PCDH15: variants seen among roughly 807,000 people sequenced by gnomAD.
PCDH15 encodes the protein protocadherin related 15, also known as protocadherin-15.
Under a neutral mutation model 178.5 loss-of-function variants are expected in PCDH15, and 129 were observed. The ratio of observed to expected loss-of-function variants is 0.72; its 90% CI spans 0.63 to 0.84. PCDH15 has a LOEUF of 0.84. Among genes scored for constraint, PCDH15 ranks in the 40% least tolerant of loss-of-function variants. The pLI is 0.00. For missense variants in PCDH15, 2,230 were observed against 2,099.9 expected (o/e 1.06, Z -1.21); for synonymous variants, 800 against 732.0 (o/e 1.09, Z -1.50).
intron 2 of PCDH15, among the ~76,000 whole-genome samples, chr10:54,627,464 T>C (rs376013005): frequency 2.0e-5 from 3 of 152,238 alleles, no homozygotes; most frequent in African/African-American, 7.2e-5. Context: ...AATGGAAGTT[T>C]GCCTGCACAA....
chr10:54,747,245 T>C (rs1443036845), intron 1 of PCDH15, among the ~76,000 whole-genome samples: 1 of 152,222 alleles, frequency 6.6e-6, no homozygotes, highest in Non-Finnish European at 1.5e-5. Context: ...GAAATCCAAG[T>C]TCCCAGACAC....
intron 8 of PCDH15, among the ~76,000 whole-genome samples, chr10:54,288,337 AAGAG>A (rs531923805): frequency 6.6e-6 from 1 of 151,262 alleles, no homozygotes; most frequent in Non-Finnish European, 1.5e-5. Flanking sequence ...ATACATAAAT[AAGAG>A]AGAGAGAGAG....
chr10:55,514,974 G>C (rs562402602), intron 2 of PCDH15, among the ~76,000 whole-genome samples: 1 of 145,416 alleles, frequency 6.9e-6, no homozygotes, highest in Non-Finnish European at 1.5e-5. Context: ...TATATAGATA[G>C]ATAGATAGAT....
chr10:54,593,245 C>T (rs2091992934), intron 2 of PCDH15, among the ~76,000 whole-genome samples: 1 of 152,012 alleles, frequency 6.6e-6, no homozygotes, highest in African/African-American at 2.4e-5. Flanking sequence ...AAAATCATTG[C>T]CAGAACCAAT....
At chr10:54,876,444 G>A (rs1285969440) in intron 3 of PCDH15, among the ~76,000 whole-genome samples, 1 of 152,124 alleles carries the variant, frequency 6.6e-6, no homozygotes, top group Non-Finnish European at 1.5e-5. Context: ...AGCTGCCATA[G>A]ATAGTGATTC....
chr10:54,488,613 C>A (rs1298181132), intron 3 of PCDH15, among the ~76,000 whole-genome samples: 1 of 151,838 alleles, frequency 6.6e-6, no homozygotes, highest in Non-Finnish European at 1.5e-5. Context: ...AGAATCAGTA[C>A]TGGCAGATAA....
intron 3 of PCDH15, among the ~76,000 whole-genome samples, chr10:54,386,369 G>A (rs189088326): frequency 6.6e-6 from 1 of 152,082 alleles, no homozygotes; most frequent in African/African-American, 2.4e-5. Context: ...TGTGGCCTGC[G>A]GATCATAGGT....
intron 15 of PCDH15, among the ~76,000 whole-genome samples, chr10:54,126,762 T>C (rs2042025710): frequency 6.6e-6 from 1 of 152,106 alleles, no homozygotes. Flanking sequence ...ATCTGACCTT[T>C]CACAAAAAAA....
At chr10:54,122,002 TACACACACACACAC>T (rs57135050) in intron 15 of PCDH15, among the ~76,000 whole-genome samples, 1 of 146,410 alleles carries the variant, frequency 6.8e-6, no homozygotes, top group Non-Finnish European at 1.5e-5. Flanking sequence ...CAAAGACACA[TACACACACACACAC>T]ACACACACAC....
intron 3 of PCDH15, among the ~76,000 whole-genome samples, chr10:54,456,952 C>T (rs1470128211): frequency 1.3e-5 from 2 of 152,094 alleles, no homozygotes; most frequent in African/African-American, 4.8e-5. Flanking sequence ...TTCCTGAGGC[C>T]TCCCCAGCCC....
intron 8 of PCDH15, among the ~76,000 whole-genome samples, chr10:54,241,116 A>G (rs556818185): frequency 1.3e-5 from 2 of 152,304 alleles, no homozygotes; most frequent in African/African-American, 4.8e-5. Context: ...ACTTTGTAAT[A>G]TCCACTAGCA....
chr10:54,082,540 C>A (rs767108310), intron 16 of PCDH15, among the ~76,000 whole-genome samples: 3 of 152,030 alleles, frequency 2.0e-5, no homozygotes, highest in African/African-American at 7.2e-5. Flanking sequence ...GAAATCTATA[C>A]GTAAAAGAAT....
intron 23 of PCDH15, among the ~76,000 whole-genome samples, chr10:53,952,277 C>G (rs1309107579): frequency 6.6e-6 from 1 of 152,144 alleles, no homozygotes; most frequent in African/African-American, 2.4e-5. Flanking sequence ...AGGTATATAG[C>G]CATCTGAAGG....
At chr10:54,257,928 A>C (rs940303889) in intron 8 of PCDH15, among the ~76,000 whole-genome samples, 6 of 152,184 alleles carry the variant, frequency 3.9e-5, no homozygotes, top group African/African-American at 1.4e-4. Context: ...CTCTATTCAC[A>C]GTCCTCTGCA....
At chr10:55,554,612 A>C (rs940906409) in intron 2 of PCDH15, among the ~76,000 whole-genome samples, 1 of 151,982 alleles carries the variant, frequency 6.6e-6, no homozygotes, top group Admixed American at 6.6e-5. Context: ...AAACCCACAC[A>C]TATGGGGGGC....
Position 55,404,574 on chromosome 10 carries a change from G to T in PCDH15, c.-156+223051C>A, listed in dbSNP as rs531525036. Among the ~76,000 whole-genome samples the T allele has an allele frequency of 6.4e-4, 98 of 151,958 alleles. 3 individuals carry two copies. In the South Asian group the frequency reaches 0.018, roughly 29 times the overall value. On this transcript the variant is annotated intron_variant, in intron 2 of 5. Transcript: ENST00000613346. ...TCATATAATATGAATATATGGGTTA[G>T]AACTCGAGCCCAAAAAGTATAATAC...
intron 2 of PCDH15, among the ~76,000 whole-genome samples, chr10:54,998,109 G>GA (rs1223377836): frequency 1.3e-5 from 2 of 151,874 alleles, no homozygotes; most frequent in Non-Finnish European, 2.9e-5. Flanking sequence ...TGTTCTTATT[G>GA]AAAAAAACAA....
chr10:54,022,376 T>C (rs1475581118), intron 19 of PCDH15, among the ~76,000 whole-genome samples: 1 of 152,092 alleles, frequency 6.6e-6, no homozygotes, highest in Non-Finnish European at 1.5e-5. Context: ...ACAATATTTG[T>C]AAAATAGAGG....
chr10:55,262,712 C>T lies in PCDH15; in HGVS notation c.-156+56887G>A, dbSNP rs141292950. Among the ~76,000 whole-genome samples the T allele has an allele frequency of 2.0e-5, 3 of 152,300 alleles. No individual in the cohort carries two copies. The East Asian group carries it at 5.8e-4, about 29-fold the overall frequency. On this transcript the variant is annotated intron_variant, in intron 1 of 5. Transcript: ENST00000458638. Reference sequence around the variant, plus strand: ...TGGCTTCCCAATCTGCTGAGAGCTACTTTCACTCAACAAAACCTTGCGCTC... The same window carrying T: ...TGGCTTCCCAATCTGCTGAGAGCTATTTTCACTCAACAAAACCTTGCGCTC...
Sources: allele counts gnomAD v4.1 joint callset (sites outside exome capture counted in the v4.1 genomes callset), GRCh38; gene constraint gnomAD v4.1.1; transcripts MANE v1.5; gene names NCBI Gene and HGNC (gene_info 2026-07-23, HGNC 2026-07-21).